Variants in PRKACB observed in about 807,000 individuals in gnomAD.
PRKACB encodes cAMP-dependent protein kinase catalytic subunit beta.
PRKACB carries 16 observed loss-of-function variants against 51.4 expected under a neutral mutation model. The observed-to-expected ratio is 0.31, with a 90% CI of 0.21 to 0.47. The LOEUF (loss-of-function observed/expected upper bound fraction) is 0.47, where lower values mean the gene tolerates loss of function less well. Ranked by LOEUF, PRKACB falls within the 20% of genes least tolerant of loss-of-function variation. The pLI is 1.00. For missense variants in PRKACB, 309 were observed against 464.5 expected (o/e 0.67, Z 3.08); for synonymous variants, 147 against 154.4 (o/e 0.95, Z 0.35).
intron 1 of PRKACB, among the ~76,000 whole-genome samples, chr1:84,167,794 G>T (rs1658005541): frequency 6.6e-6 from 1 of 151,384 alleles, no homozygotes; most frequent in African/African-American, 2.4e-5. Flanking sequence ...TTTTGGTTCA[G>T]AAAAATACAA....
At chr1:84,219,464 G>C (rs1413354922) in intron 9 of PRKACB, among the ~76,000 whole-genome samples, 1 of 151,792 alleles carries the variant, frequency 6.6e-6, no homozygotes, top group East Asian at 1.9e-4. Flanking sequence ...ACCTGCCTCA[G>C]CCTCCCAAAG....
chr1:84,174,989 T>C, intron 1 of PRKACB: 1 of 1,430,044 alleles, frequency 7.0e-7, no homozygotes, highest in Non-Finnish European at 9.2e-7. Context: ...TAATATGTTA[T>C]TCATATAATT....
intron 2 of PRKACB, among the ~76,000 whole-genome samples, chr1:84,180,060 AAAAG>A (rs1200966030): frequency 6.7e-6 from 1 of 149,144 alleles, no homozygotes; most frequent in African/African-American, 2.4e-5. Context: ...AAAAAAAAAA[AAAAG>A]AGGTCGTTAT....
At chr1:84,080,127 G>GT (rs1302738544) in intron 1 of PRKACB, among the ~76,000 whole-genome samples, 1 of 152,156 alleles carries the variant, frequency 6.6e-6, no homozygotes, top group East Asian at 1.9e-4. Flanking sequence ...TTACAAAAGA[G>GT]TGTGCTTGGA....
upstream of PRKACB, among the ~76,000 whole-genome samples, chr1:84,143,368 C>T (rs1386657224): frequency 6.6e-6 from 1 of 152,088 alleles, no homozygotes; most frequent in East Asian, 1.9e-4. Flanking sequence ...GCGAGAATCG[C>T]TTGAACCTAG....
intron 5 of PRKACB, among the ~76,000 whole-genome samples, chr1:84,191,664 C>A (rs557462451): frequency 6.1e-4 from 93 of 151,912 alleles, no homozygotes; most frequent in Non-Finnish European, 9.7e-4. Flanking sequence ...ACAGTAGACA[C>A]TAGGGACTAC....
chr1:84,154,473 G>A (rs1655212984), intron 1 of PRKACB, among the ~76,000 whole-genome samples: 1 of 152,062 alleles, frequency 6.6e-6, no homozygotes, highest in African/African-American at 2.4e-5. Context: ...CTTCACTGGT[G>A]AATTTCTATC....
intron 8 of PRKACB, among the ~76,000 whole-genome samples, chr1:84,211,164 C>G (rs1314491503): frequency 6.6e-6 from 1 of 150,920 alleles, no homozygotes; most frequent in African/African-American, 2.4e-5. Context: ...CACACACGTT[C>G]AAGACCATCA....
At chr1:84,087,193 A>AG (rs1648081238) in intron 1 of PRKACB, among the ~76,000 whole-genome samples, 1 of 152,254 alleles carries the variant, frequency 6.6e-6, no homozygotes, top group Non-Finnish European at 1.5e-5. Flanking sequence ...AACAGGAGTA[A>AG]GAGCATGGGA....
chr1:84,090,122 T>C (rs1280884313), intron 1 of PRKACB, among the ~76,000 whole-genome samples: 2 of 152,220 alleles, frequency 1.3e-5, no homozygotes, highest in African/African-American at 4.8e-5. Flanking sequence ...TTTACAGTTT[T>C]ACCACATTTC....
chr1:84,165,135 C>T (rs186686139), intron 1 of PRKACB: 42 of 776,978 alleles, frequency 5.4e-5, no homozygotes, highest in African/African-American at 2.5e-4. Flanking sequence ...TTTGTGGTGA[C>T]GCTTTTGTAC....
At chr1:84,199,105 G>A (rs558940962) in intron 7 of PRKACB, among the ~76,000 whole-genome samples, 1 of 81,960 alleles carries the variant, frequency 1.2e-5, no homozygotes, top group Non-Finnish European at 2.9e-5. Flanking sequence ...ATGCATATAT[G>A]TATATATATG....
At chr1:84,134,629 C>CAT (rs10691948) in intron 1 of PRKACB, among the ~76,000 whole-genome samples, 71,769 of 151,732 alleles carry the variant, frequency 0.47, 17,683 homozygotes, top group Non-Finnish European at 0.56. Context: ...TAAATAGAAT[C>CAT]ATAAAATGTT....
rs1676793001 is a variant in PRKACB, at chr1:84,237,879, T to A, written c.*2574T>A. On this transcript the variant is annotated 3_prime_UTR_variant, in exon 10 of 10. Coordinates refer to ENST00000370685, the MANE Select transcript of PRKACB (RefSeq NM_182948.4). ...AGTATGATCTCAGCCTCAGTTCTCT[T>A]GTCTGTAAAATGGAAGAACTGGATT... The A allele has an allele frequency of 6.6e-6, 1 of 152,172 alleles. No homozygotes were observed. Among genetic ancestry groups the A allele is most frequent in the Non-Finnish European group, 1.5e-5 (1 of 67,972 alleles). The allele number at this position is 152,172 out of a possible 1,614,324, so 9.4% of individuals were successfully genotyped here. A position where few individuals can be genotyped will look rare whatever the true frequency, so the allele number is the denominator to read the frequency against.
At chr1:84,208,230 G>A (rs12122765) in intron 8 of PRKACB, among the ~76,000 whole-genome samples, 5,843 of 152,266 alleles carry the variant, frequency 0.038, 150 homozygotes, top group Middle Eastern at 0.088. Flanking sequence ...CTTTTTGGTT[G>A]TAACTTCATC....
upstream of PRKACB, among the ~76,000 whole-genome samples, chr1:84,141,383 GTTC>G (rs201291988): frequency 4.5e-4 from 69 of 152,054 alleles, 1 homozygote; most frequent in Admixed American, 3.4e-3. Context: ...TGCCAGTAGA[GTTC>G]TTCTTTTTAT....
chr1:84,207,685 T>C (rs1391771897), intron 8 of PRKACB, among the ~76,000 whole-genome samples: 1 of 152,204 alleles, frequency 6.6e-6, no homozygotes, highest in Non-Finnish European at 1.5e-5. Context: ...AGCCTAATAA[T>C]TTTATCCTGA....
intron 8 of PRKACB, among the ~76,000 whole-genome samples, chr1:84,207,945 G>A (rs968202505): frequency 2.0e-5 from 3 of 152,124 alleles, no homozygotes; most frequent in East Asian, 3.9e-4. Context: ...TTGGCCCGCT[G>A]CAGCCTCTGC....
chr1:84,207,177 G>A (rs1671457731), intron 8 of PRKACB, among the ~76,000 whole-genome samples: 2 of 152,116 alleles, frequency 1.3e-5, no homozygotes, highest in African/African-American at 4.8e-5. Flanking sequence ...GACAGCTCTT[G>A]TGGTCCTATG....
Sources: allele counts gnomAD v4.1 joint callset (sites outside exome capture counted in the v4.1 genomes callset), GRCh38; gene constraint gnomAD v4.1.1; transcripts MANE v1.5; gene names NCBI Gene and HGNC (gene_info 2026-07-23, HGNC 2026-07-21).